Variants in PTPRN2 observed in about 807,000 individuals in gnomAD.
PTPRN2 encodes receptor-type tyrosine-protein phosphatase N2.
PTPRN2 carries 74 observed loss-of-function variants against 118.8 expected under a neutral mutation model. That is an observed-to-expected ratio of 0.62 (90% CI 0.52 to 0.76). The LOEUF (loss-of-function observed/expected upper bound fraction) is 0.76. PTPRN2 is among the 30% of genes least tolerant of loss of function. The pLI, the probability that PTPRN2 is intolerant of heterozygous loss-of-function variation, is 0.00. For missense variants in PTPRN2, 1,481 were observed against 1,394.4 expected (o/e 1.06, Z -0.99); for synonymous variants, 641 against 608.0 (o/e 1.05, Z -0.80).
chr7:157,679,614 C>G (rs1172182697), intron 13 of PTPRN2, among the ~76,000 whole-genome samples: 1 of 151,930 alleles, frequency 6.6e-6, no homozygotes, highest in Non-Finnish European at 1.5e-5. Context: ...CTTACTGCTT[C>G]AAAACTATTT....
intron 12 of PTPRN2, among the ~76,000 whole-genome samples, chr7:157,695,688 A>C (rs1306658840): frequency 6.6e-6 from 1 of 152,268 alleles, no homozygotes; most frequent in Non-Finnish European, 1.5e-5. Context: ...TCTGAGTTGA[A>C]ATGTATTAAC....
At chr7:157,643,999 C>T (rs1159263018) in intron 14 of PTPRN2, among the ~76,000 whole-genome samples, 1 of 152,242 alleles carries the variant, frequency 6.6e-6, no homozygotes, top group Non-Finnish European at 1.5e-5. Context: ...AGGGGCCTCT[C>T]ATGCGCTACA....
In PTPRN2 at chr7:158,563,147, G is replaced by A. The variant is rs1279335354; in HGVS notation, c.112+24411C>T. ...CTGCTGGTGCAGTGCCACCGAAGAA[G>A]AGAGGTCCTACCTGAAACCTCACAG... On this transcript the variant is annotated intron_variant, in intron 1 of 22. Coordinates refer to ENST00000389418, the MANE Select transcript of PTPRN2 (RefSeq NM_002847.5). This position sits in a 1 kb window ranked among gnomAD's most constrained non-coding sequence, Gnocchi z 5.1. Among the ~76,000 whole-genome samples the A allele has an allele frequency of 2.6e-5, 4 of 152,122 alleles. No individual in the cohort carries two copies. Among genetic ancestry groups the A allele is most frequent in the African/African-American group, 9.7e-5 (4 of 41,372 alleles).
intron 12 of PTPRN2, among the ~76,000 whole-genome samples, chr7:157,702,232 A>C (rs1798114218): frequency 6.7e-6 from 1 of 149,982 alleles, no homozygotes; most frequent in Non-Finnish European, 1.5e-5. Flanking sequence ...CATTTATGAG[A>C]AAGCCTGGTC....
At chr7:158,413,732 A>G (rs568723965) in intron 2 of PTPRN2, among the ~76,000 whole-genome samples, 12 of 152,320 alleles carry the variant, frequency 7.9e-5, no homozygotes, top group Non-Finnish European at 1.6e-4. Context: ...AACTAGGAGA[A>G]CGGGCCCATC....
At chr7:158,138,809 G>A (rs1819089890) in intron 6 of PTPRN2, among the ~76,000 whole-genome samples, 1 of 152,194 alleles carries the variant, frequency 6.6e-6, no homozygotes, top group Non-Finnish European at 1.5e-5. Flanking sequence ...AGAAAACACT[G>A]GAATGACCAA....
At chr7:158,127,946 C>A (rs181481333) in intron 9 of PTPRN2, among the ~76,000 whole-genome samples, 15 of 152,306 alleles carry the variant, frequency 9.8e-5, no homozygotes, top group African/African-American at 3.4e-4. Context: ...ATGTAAATGG[C>A]AAAGGATTAC....
At chr7:158,571,512 CA>C (rs1828034519) in intron 1 of PTPRN2, among the ~76,000 whole-genome samples, 1 of 130,308 alleles carries the variant, frequency 7.7e-6, no homozygotes, top group South Asian at 2.4e-4. Flanking sequence ...CAAAAAAAAA[CA>C]CACACCTATT....
At chr7:158,358,858 T>C (rs942492816) in intron 2 of PTPRN2, among the ~76,000 whole-genome samples, 1 of 152,220 alleles carries the variant, frequency 6.6e-6, no homozygotes, top group Non-Finnish European at 1.5e-5. Flanking sequence ...AGGTGGATGG[T>C]GGTGATGGCT....
At chr7:157,685,754 G>C (rs78033350) in intron 12 of PTPRN2, among the ~76,000 whole-genome samples, 1,615 of 152,302 alleles carry the variant, frequency 0.011, 23 homozygotes, top group African/African-American at 0.037. Context: ...AAATGTCAAG[G>C]AGAGCGATTG....
intron 12 of PTPRN2, among the ~76,000 whole-genome samples, chr7:157,772,715 C>A (rs753078165): frequency 1.3e-5 from 2 of 152,226 alleles, no homozygotes. Flanking sequence ...GTCTCTTGGC[C>A]GGGTCTGGGG....
At chr7:158,418,077 T>C (rs1450307734) in intron 2 of PTPRN2, among the ~76,000 whole-genome samples, 1,044 of 72,062 alleles carry the variant, frequency 0.014, no homozygotes, top group Middle Eastern at 0.028. Context: ...TGCTCTAGCT[T>C]TCAGTGTCCC....
At chr7:158,575,811 C>G (rs138203149) in intron 1 of PTPRN2, among the ~76,000 whole-genome samples, 1 of 152,274 alleles carries the variant, frequency 6.6e-6, no homozygotes, top group African/African-American at 2.4e-5. Flanking sequence ...AGAACTACAT[C>G]TTACTTCCCA....
intron 6 of PTPRN2, among the ~76,000 whole-genome samples, chr7:158,153,900 G>C (rs1318801698): frequency 4.5e-5 from 1 of 22,256 alleles, no homozygotes; most frequent in African/African-American, 8.2e-5. Flanking sequence ...GGGTGTGCTC[G>C]CTCGGAAGGC....
chr7:157,748,285 GTGGGGTGT>G (rs1801151090), intron 12 of PTPRN2, among the ~76,000 whole-genome samples: 1 of 146,146 alleles, frequency 6.8e-6, no homozygotes, highest in Non-Finnish European at 1.5e-5. Context: ...TCCCTGAGCT[GTGGGGTGT>G]CTGGGGGATT....
In PTPRN2 at chr7:157,926,739, C is replaced by A. The variant is rs149062149; in HGVS notation, c.1724-28002G>T. On this transcript the variant is annotated intron_variant, in intron 11 of 22. Transcript: ENST00000389418. Reference sequence around the variant, plus strand: ...CTGCTCCTTTGCTTCCTGCTTAGACCTGAGAAGTAGCCTCTCTCCCTGCAG... The same window carrying A: ...CTGCTCCTTTGCTTCCTGCTTAGACATGAGAAGTAGCCTCTCTCCCTGCAG... Among the ~76,000 whole-genome samples, 599 of 152,314 alleles carry A rather than the reference C, an allele frequency of 3.9e-3. 1 individual carries two copies. Among genetic ancestry groups the A allele is most frequent in the Middle Eastern group, 0.01 (3 of 294 alleles).
chr7:158,359,861 T>C (rs931532583), intron 2 of PTPRN2, among the ~76,000 whole-genome samples: 1 of 152,108 alleles, frequency 6.6e-6, no homozygotes, highest in Non-Finnish European at 1.5e-5. Context: ...CAGTTTTTAA[T>C]ATACAGCACC....
At chr7:158,491,675 A>T (rs975813316) in intron 1 of PTPRN2, among the ~76,000 whole-genome samples, 2 of 152,130 alleles carry the variant, frequency 1.3e-5, no homozygotes, top group African/African-American at 4.8e-5. Flanking sequence ...TTTTTAGTAG[A>T]GACGGGATTT....
chr7:158,145,839 G>C (rs1392429204), intron 6 of PTPRN2, among the ~76,000 whole-genome samples: 1 of 152,172 alleles, frequency 6.6e-6, no homozygotes, highest in Admixed American at 6.5e-5. Flanking sequence ...TGCCAGGCTG[G>C]ACTCCCATGA....
Sources: gnomAD v4.1 joint callset for allele counts (sites outside exome capture counted in the v4.1 genomes callset) on GRCh38, gnomAD v4.1.1 for gene constraint, Gnocchi (gnomAD v3.1) non-coding constraint, MANE v1.5 for transcripts, NCBI Gene and HGNC (gene_info 2026-07-23, HGNC 2026-07-21) for gene names.